COQ8B: variants seen among roughly 807,000 people sequenced by gnomAD.
COQ8B encodes the protein atypical kinase COQ8B, mitochondrial.
A neutral mutation model predicts 62.0 loss-of-function variants in COQ8B; 44 were observed. The ratio of observed to expected loss-of-function variants is 0.71; its 90% CI spans 0.56 to 0.91. The LOEUF is 0.91. Among genes scored for constraint, COQ8B ranks in the 40% least tolerant of loss-of-function variants. The pLI is 0.00. For synonymous variants in COQ8B, 252 were observed against 289.9 expected (o/e 0.87, Z 1.33); for missense variants, 649 against 731.6 (o/e 0.89, Z 1.30).
At chr19:40,700,283 T>C (rs1202017471) in intron 11 of COQ8B, 27 bp downstream of exon 11, 2 of 1,611,656 alleles carry the variant, frequency 1.2e-6, no homozygotes. Flanking sequence ...GGCCATGCCC[T>C]TCCCACTGTG....
At chr19:40,715,036 C>G in intron 1 of COQ8B, 1 of 996,310 alleles carries the variant, frequency 1.0e-6, no homozygotes, top group Non-Finnish European at 1.2e-6. Context: ...TGAGCACCTC[C>G]CCCCGTTGCT....
intron 4 of COQ8B, among the ~76,000 whole-genome samples, chr19:40,713,480 T>G (rs1045068827): frequency 7.0e-6 from 1 of 143,260 alleles, no homozygotes. Flanking sequence ...ACCCGGGAGG[T>G]GGAGGTTGCA....
chr19:40,699,879 C>T (rs1392762993), intron 12 of COQ8B, among the ~76,000 whole-genome samples, 188 bp downstream of exon 12: 2 of 152,182 alleles, frequency 1.3e-5, no homozygotes, highest in African/African-American at 4.8e-5. Context: ...GGAAGCAGAG[C>T]GTTGCAAGGC....
At chr19:40,702,768 C>G (rs2082070492) in intron 9 of COQ8B, 75 bp from the exon 10 acceptor site, 1 of 1,370,550 alleles carries the variant, frequency 7.3e-7, no homozygotes, top group East Asian at 2.3e-5. Flanking sequence ...CCAACCCTCT[C>G]TCTCCTGTCT....
chr19:40,697,851 T>TATAGAGAGAGAGAGAGAG (rs1446181673), intron 12 of COQ8B, among the ~76,000 whole-genome samples: 18 of 54,728 alleles, frequency 3.3e-4, no homozygotes, highest in African/African-American at 1.5e-3. Context: ...TATATATATA[T>TATAGAGAGAGAGAGAGAG]AGAGAGAGAG....
intron 13 of COQ8B, among the ~76,000 whole-genome samples, chr19:40,695,730 C>T (rs2082009831): frequency 1.3e-5 from 2 of 152,180 alleles, no homozygotes; most frequent in African/African-American, 4.8e-5. Context: ...GACCCAGTTA[C>T]TTCATCTGGC....
intron 10 of COQ8B, chr19:40,701,190 G>A (rs3852866): frequency 0.21 from 32,548 of 152,156 alleles, 3,622 homozygotes; most frequent in South Asian, 0.29. Flanking sequence ...TTAGCTGGGC[G>A]TGGTGGCCTG....
At chr19:40,713,402 C>T (rs1276068764) in intron 4 of COQ8B, among the ~76,000 whole-genome samples, 2 of 152,044 alleles carry the variant, frequency 1.3e-5, no homozygotes, top group East Asian at 1.9e-4. Flanking sequence ...CAAAAATTAG[C>T]CGGGTGTGGT....
intron 7 of COQ8B, 94 bp from the exon 8 acceptor site, chr19:40,703,949 G>A: frequency 6.9e-7 from 1 of 1,440,052 alleles, no homozygotes; most frequent in Non-Finnish European, 9.3e-7. Context: ...CTCACCACAT[G>A]CAGGGCCCTG....
chr19:40,698,898 T>C (rs370905278), intron 12 of COQ8B, among the ~76,000 whole-genome samples: 21 of 152,140 alleles, frequency 1.4e-4, no homozygotes, highest in African/African-American at 4.8e-4. Context: ...AGTCTGCAGG[T>C]CCAAACCTTC....
At chr19:40,697,175 G>A (rs998693981) in intron 12 of COQ8B, among the ~76,000 whole-genome samples, 12 of 150,712 alleles carry the variant, frequency 8.0e-5, no homozygotes, top group African/African-American at 1.5e-4. Context: ...GCAGTGGCAC[G>A]ACCATGGCTT....
Position 40,692,116 on chromosome 19 carries a change from G to A in COQ8B, c.1554C>T (p.Arg518=). ...CGTCTGGCTGGCGACTGGCCCAGTAGCGGTGGTAGGTGTCCTGGAAGAGGT... is the reference window on the plus strand; with the variant it reads ...CGTCTGGCTGGCGACTGGCCCAGTAACGGTGGTAGGTGTCCTGGAAGAGGT... ...CRDLFQDTYH[R]YWASRQPDAA... The change falls in exon 15 of 15, where the codon CGC becomes CGT. Residue 518 remains arginine, a synonymous_variant. Coordinates refer to ENST00000324464, the MANE Select transcript of COQ8B (RefSeq NM_024876.4). The A allele has an allele frequency of 6.2e-7, 1 of 1,607,554 alleles. No homozygotes were observed. Among genetic ancestry groups the A allele is most frequent in the Non-Finnish European group, 8.5e-7 (1 of 1,177,312 alleles).
intron 1 of COQ8B, chr19:40,715,717 G>T: frequency 1.5e-6 from 1 of 666,022 alleles, no homozygotes; most frequent in Non-Finnish European, 1.9e-6. Flanking sequence ...CTGCGGAATG[G>T]TGCGACTGGG....
At chr19:40,693,821 G>A (rs957986350) in intron 13 of COQ8B, among the ~76,000 whole-genome samples, 1 of 152,170 alleles carries the variant, frequency 6.6e-6, no homozygotes, top group Non-Finnish European at 1.5e-5. Flanking sequence ...GGTGGGCACG[G>A]GGGTCCCTAT....
chr19:40,705,654 A>T (rs1158647505), intron 5 of COQ8B, among the ~76,000 whole-genome samples: 3 of 152,184 alleles, frequency 2.0e-5, no homozygotes, highest in Non-Finnish European at 2.9e-5. Context: ...GCTAAAACGA[A>T]ATACGGAGGC....
chr19:40,700,131 T>G lies in COQ8B; in HGVS notation c.1079A>C (p.Glu360Ala). 2 of 1,614,214 alleles carry G rather than the reference T, an allele frequency of 1.2e-6. No individual in the cohort carries two copies. Among genetic ancestry groups the G allele is most frequent in the Middle Eastern group, 1.6e-4 (1 of 6,062 alleles). Reference sequence around the variant, plus strand: ...GGGGTCAGTCTGCATGAATCGGAACTCAAACAGCTCCCGCAGACACAGCGT... The same window carrying G: ...GGGGTCAGTCTGCATGAATCGGAACGCAAACAGCTCCCGCAGACACAGCGT... ...LLTLCLRELF[E>A]FRFMQTDPNW... Residue 360 changes from glutamate to alanine, a missense_variant, in exon 12 of 15, where the codon GAG becomes GCG. By Grantham distance (107) the Glu-to-Ala change is moderately radical. Transcript: ENST00000324464.
intron 5 of COQ8B, among the ~76,000 whole-genome samples, chr19:40,707,077 T>C (rs1352602896): frequency 2.6e-5 from 4 of 152,072 alleles, no homozygotes; most frequent in Non-Finnish European, 5.9e-5. Context: ...GAGACCAGCC[T>C]GGGCAATATG....
In COQ8B at chr19:40,715,080, A is replaced by T. The variant is rs546681266; in HGVS notation, c.-3-445T>A. ...ACTGCTCTCAGCCTCCGAGTCCGCAACCTGCTGGGGCCCTCCTGTGCTTCC... is the reference window on the plus strand; with the variant it reads ...ACTGCTCTCAGCCTCCGAGTCCGCATCCTGCTGGGGCCCTCCTGTGCTTCC... On this transcript the variant is annotated intron_variant, in intron 1 of 14. Coordinates refer to ENST00000324464, the MANE Select transcript of COQ8B (RefSeq NM_024876.4). 103 of 988,262 alleles carry T rather than the reference A, an allele frequency of 1.0e-4. 1 individual carries two copies. In the African/African-American group the frequency reaches 1.8e-3, roughly 17 times the overall value. 61.2% of individuals were successfully genotyped at this position (988,262 alleles called of 1,614,324 possible). A position where few individuals can be genotyped will look rare whatever the true frequency, so the allele number is the denominator to read the frequency against.
At chr19:40,696,181 G>A (rs1456096721) in intron 12 of COQ8B, 127 bp from the exon 13 acceptor site, 11 of 1,008,698 alleles carry the variant, frequency 1.1e-5, no homozygotes, top group South Asian at 4.0e-5. Flanking sequence ...CTGCCTGGCT[G>A]CCTCACTGGG....
Sources: allele counts gnomAD v4.1 joint callset (sites outside exome capture counted in the v4.1 genomes callset), GRCh38; gene constraint gnomAD v4.1.1; transcripts MANE v1.5; gene names NCBI Gene and HGNC (gene_info 2026-07-23, HGNC 2026-07-21).